The following MASP1 variants were observed in gnomAD, a reference collection of about 807,000 sequenced individuals.
MASP1 encodes mannan-binding lectin serine protease 1.
In MASP1, 59 loss-of-function variants were observed where a neutral mutation model predicts 77.1. The ratio of observed to expected loss-of-function variants is 0.77; its 90% CI spans 0.62 to 0.95. MASP1 has a LOEUF of 0.95. Among genes scored for constraint, MASP1 ranks in the 40% least tolerant of loss-of-function variants. The pLI, the probability that MASP1 is intolerant of heterozygous loss-of-function variation, is 0.00. For missense variants in MASP1, 885 were observed against 912.9 expected (o/e 0.97, Z 0.39); for synonymous variants, 362 against 354.5 (o/e 1.02, Z -0.24).
At chr3:187,219,451 A>T (rs1711909142) in exon 16 of MASP1, 1 of 155,154 alleles carries the variant, frequency 6.4e-6, no homozygotes, top group African/African-American at 2.4e-5. Flanking sequence ...GCTAGGGGAC[A>T]TACCACAGGA....
At chr3:187,217,759 G>T (rs2108494718) in exon 16 of MASP1, 1 of 152,302 alleles carries the variant, frequency 6.6e-6, no homozygotes, top group East Asian at 1.9e-4. Context: ...GTAGGTCACG[G>T]GGAAGCCTGG....
intron 2 of MASP1, among the ~76,000 whole-genome samples, chr3:187,272,982 A>G (rs533327343): frequency 6.6e-6 from 1 of 152,196 alleles, no homozygotes; most frequent in South Asian, 2.1e-4. Context: ...GGTGATATAC[A>G]TAAAACACTC....
chr3:187,226,728 T>A (rs1195963506), intron 11 of MASP1, among the ~76,000 whole-genome samples: 1 of 152,194 alleles, frequency 6.6e-6, no homozygotes, highest in Non-Finnish European at 1.5e-5. Context: ...GATTTTTACC[T>A]GCCTATTCCA....
intron 10 of MASP1, among the ~76,000 whole-genome samples, chr3:187,240,246 T>C (rs1713519900): frequency 6.6e-6 from 1 of 151,978 alleles, no homozygotes; most frequent in South Asian, 2.1e-4. Flanking sequence ...ACCTTCTTTA[T>C]ACTGTATACT....
At chr3:187,225,225 G>T in intron 13 of MASP1, 2 of 1,371,078 alleles carry the variant, frequency 1.5e-6, no homozygotes, top group Non-Finnish European at 1.0e-6. Context: ...AGCAGACACT[G>T]TCAGCTGACT....
intron 4 of MASP1, among the ~76,000 whole-genome samples, chr3:187,257,746 T>C (rs550212104): frequency 1.3e-5 from 2 of 150,734 alleles, no homozygotes; most frequent in African/African-American, 4.9e-5. Context: ...GCAACCTAAC[T>C]GGATTTTTAA....
chr3:187,268,730 G>A (rs1361336504), intron 2 of MASP1, among the ~76,000 whole-genome samples: 1 of 152,086 alleles, frequency 6.6e-6, no homozygotes, highest in Non-Finnish European at 1.5e-5. Flanking sequence ...GAAATATAGA[G>A]GGCCCAGAAC....
intron 2 of MASP1, among the ~76,000 whole-genome samples, chr3:187,285,168 G>A (rs944232031): frequency 2.8e-5 from 4 of 145,034 alleles, no homozygotes; most frequent in African/African-American, 5.1e-5. Context: ...TTTTTTTTTT[G>A]TGGGGGGTTC....
chr3:187,255,629 G>A (rs190213167), intron 5 of MASP1, among the ~76,000 whole-genome samples: 5 of 152,206 alleles, frequency 3.3e-5, no homozygotes, highest in Non-Finnish European at 7.3e-5. Flanking sequence ...CTCCAGTCAA[G>A]CTGCCTCTTA....
chr3:187,243,932 G>A (rs1713867908), intron 8 of MASP1: 1 of 400,918 alleles, frequency 2.5e-6, no homozygotes, highest in Non-Finnish European at 4.6e-6. Flanking sequence ...TACCCACCAG[G>A]GCCTCTTTCT....
rs1713089542 is a variant in MASP1, at chr3:187,235,645, T to C, written c.*39A>G. 1.9e-6 allele frequency: 3 copies of C among 1,612,060 alleles called. No individual in the cohort carries two copies. The highest frequency in any genetic ancestry group is 1.3e-5 in the African/African-American group (1 of 74,918). On this transcript the variant is annotated 3_prime_UTR_variant, in exon 11 of 11. Coordinates refer to ENST00000296280, the MANE Select transcript of MASP1 (RefSeq NM_139125.4). ...TGTGCTGTCGGAAGTGCGGTGTAGC[T>C]TCGCTCAGGGGAGGCAGGCCCCGAG...
In MASP1 at chr3:187,221,033, A is replaced by G. The variant is rs767834819; in HGVS notation, c.1909+2T>C. ...CTGTTGTATGCCAGCCTCTTAACCC[A>G]CCTTCCTTCTCCCCAGCACAGATCA... On this transcript the variant is annotated splice_donor_variant, in intron 15 of 15. Coordinates refer to the MASP1 transcript ENST00000337774. LOFTEE classifies it high-confidence loss of function. 1 of 1,612,626 alleles carries G rather than the reference A, an allele frequency of 6.2e-7. No homozygotes were observed. Among genetic ancestry groups the G allele is most frequent in the Non-Finnish European group, 8.5e-7 (1 of 1,179,268 alleles).
At chr3:187,236,686 C>A in intron 10 of MASP1, 119 bp from the exon 11 acceptor site, 3 of 1,555,712 alleles carry the variant, frequency 1.9e-6, no homozygotes, top group Non-Finnish European at 2.6e-6. Flanking sequence ...ACCATGGGAC[C>A]CTAACCTGCC....
At chr3:187,230,544 A>G (rs1437358802), downstream of MASP1, among the ~76,000 whole-genome samples, 3 of 152,204 alleles carry the variant, frequency 2.0e-5, no homozygotes, top group Non-Finnish European at 4.4e-5. Flanking sequence ...CTAATAAAGA[A>G]TCATTATGCT....
At chr3:187,238,843 G>A (rs1713387377) in intron 10 of MASP1, among the ~76,000 whole-genome samples, 1 of 152,160 alleles carries the variant, frequency 6.6e-6, no homozygotes, top group Admixed American at 6.5e-5. Context: ...CTGAAATGGT[G>A]GGCCTTTTGA....
chr3:187,219,897 T>C, exon 16 of MASP1: 3 of 684,104 alleles, frequency 4.4e-6, no homozygotes, highest in Non-Finnish European at 7.7e-6. Context: ...TCTTGCTCCA[T>C]CTCTTTAAAG....
At chr3:187,246,709 A>G (rs757416898) in intron 8 of MASP1, 1 of 987,608 alleles carries the variant, frequency 1.0e-6, no homozygotes, top group Non-Finnish European at 1.2e-6. Context: ...GAATTTTAAG[A>G]AACATAGAAC....
Position 187,243,415 on chromosome 3 carries a change from C to G in MASP1, c.1228+69G>C, listed in dbSNP as rs1010247948. The G allele has an allele frequency of 2.5e-5, 38 of 1,549,536 alleles. No homozygotes were observed. In the African/African-American group the frequency reaches 2.9e-4, roughly 12 times the overall value. On this transcript the variant is annotated intron_variant, in intron 9 of 10. Coordinates refer to ENST00000296280, the MANE Select transcript of MASP1 (RefSeq NM_139125.4). ...GTTCTTCCTTTCACAGCTGTCTCGG[C>G]CCCCAGTCCAACCCTGAGGCCCCGA...
At chr3:187,254,790 C>T (rs937826969) in intron 5 of MASP1, among the ~76,000 whole-genome samples, 6 of 152,128 alleles carry the variant, frequency 3.9e-5, no homozygotes, top group African/African-American at 7.2e-5. Flanking sequence ...GGATTCCCCA[C>T]CTCTCAGTCC....
Sources: gnomAD v4.1 joint callset for allele counts (sites outside exome capture counted in the v4.1 genomes callset) on GRCh38, gnomAD v4.1.1 for gene constraint, MANE v1.5 for transcripts, NCBI Gene and HGNC (gene_info 2026-07-23, HGNC 2026-07-21) for gene names.